Variants in KCNIP4 observed in about 807,000 individuals in gnomAD.
KCNIP4 encodes Kv channel-interacting protein 4.
KCNIP4 carries 12 observed loss-of-function variants against 34.0 expected under a neutral mutation model. The ratio of observed to expected loss-of-function variants is 0.35; its 90% CI spans 0.23 to 0.57. KCNIP4 has a LOEUF of 0.57. Ranked by LOEUF, KCNIP4 falls within the 20% of genes least tolerant of loss-of-function variation. KCNIP4 has a pLI of 0.83. For missense variants in KCNIP4, 238 were observed against 311.7 expected (o/e 0.76, Z 1.78); for synonymous variants, 124 against 102.2 (o/e 1.21, Z -1.29).
chr4:21,085,062 A>G (rs971824391), intron 1 of KCNIP4, among the ~76,000 whole-genome samples: 1 of 152,102 alleles, frequency 6.6e-6, no homozygotes, highest in African/African-American at 2.4e-5. Context: ...ACCACATTGT[A>G]TGGACTCAAT....
intron 1 of KCNIP4, among the ~76,000 whole-genome samples, chr4:21,183,485 G>GTTTTTTTTTTTTTT (rs1754998816): frequency 8.0e-6 from 1 of 124,948 alleles, no homozygotes; most frequent in Non-Finnish European, 1.7e-5. Context: ...TTTTTTTTTG[G>GTTTTTTTTTTTTTT]TTTTTGGAGA....
intron 1 of KCNIP4, among the ~76,000 whole-genome samples, chr4:21,688,924 C>G (rs1339168616): frequency 6.6e-6 from 1 of 151,946 alleles, no homozygotes; most frequent in Non-Finnish European, 1.5e-5. Context: ...CTTCACCTAC[C>G]TTGCCCATTG....
chr4:20,740,858 A>G (rs937139073), intron 5 of KCNIP4, among the ~76,000 whole-genome samples: 3 of 152,184 alleles, frequency 2.0e-5, no homozygotes, highest in Admixed American at 6.5e-5. Flanking sequence ...TAGGCTCAAA[A>G]TAAAGGGATG....
At chr4:21,225,497 A>G in intron 1 of KCNIP4, among the ~76,000 whole-genome samples, 1 of 152,136 alleles carries the variant, frequency 6.6e-6, no homozygotes, top group East Asian at 1.9e-4. Flanking sequence ...GATTATAACT[A>G]TTGTAATTAT....
chr4:20,946,436 C>T (rs6830607), intron 1 of KCNIP4, among the ~76,000 whole-genome samples: 74,677 of 151,914 alleles, frequency 0.49, 18,695 homozygotes, highest in East Asian at 0.75. Flanking sequence ...ATGCAGAAGA[C>T]GAGTTAGCAA....
chr4:21,072,383 C>A (rs1450237980), intron 1 of KCNIP4, among the ~76,000 whole-genome samples: 2 of 152,166 alleles, frequency 1.3e-5, no homozygotes, highest in Non-Finnish European at 2.9e-5. Flanking sequence ...TTGCATTTCT[C>A]TGATGGCCAG....
chr4:21,726,270 T>A (rs567945400), intron 1 of KCNIP4, among the ~76,000 whole-genome samples: 8 of 152,116 alleles, frequency 5.3e-5, no homozygotes, highest in Non-Finnish European at 7.4e-5. Flanking sequence ...GGGCAAGCAA[T>A]GAAGCAGTTG....
chr4:21,597,177 T>C (rs989294143), intron 1 of KCNIP4, among the ~76,000 whole-genome samples: 1 of 152,032 alleles, frequency 6.6e-6, no homozygotes, highest in African/African-American at 2.4e-5. Flanking sequence ...GGGAGATAAT[T>C]GCATCATGGG....
At chr4:20,809,203 T>C (rs955114035) in intron 3 of KCNIP4, among the ~76,000 whole-genome samples, 6 of 152,152 alleles carry the variant, frequency 3.9e-5, no homozygotes, top group South Asian at 2.1e-4. Context: ...TAGCAAATCA[T>C]TGGGAATTGG....
At chr4:20,829,497 G>C (rs1015105379) in intron 3 of KCNIP4, among the ~76,000 whole-genome samples, 1 of 152,104 alleles carries the variant, frequency 6.6e-6, no homozygotes, top group Non-Finnish European at 1.5e-5. Flanking sequence ...GTGAGCCACC[G>C]CGCCTGGCCC....
intron 1 of KCNIP4, among the ~76,000 whole-genome samples, chr4:21,519,564 ATATATACACATATGTG>A (rs1735218464): frequency 8.5e-5 from 2 of 23,488 alleles, no homozygotes; most frequent in Admixed American, 5.7e-4. Flanking sequence ...GTGTATGTGT[ATATATACACATATGTG>A]TGTGTATGTA....
intron 1 of KCNIP4, among the ~76,000 whole-genome samples, chr4:21,495,466 G>A (rs886332501): frequency 6.6e-6 from 1 of 152,124 alleles, no homozygotes; most frequent in Non-Finnish European, 1.5e-5. Context: ...GAGGAGGGCA[G>A]GAGTCTGGAT....
intron 1 of KCNIP4, among the ~76,000 whole-genome samples, chr4:20,925,291 G>C (rs1254840919): frequency 6.6e-6 from 1 of 152,042 alleles, no homozygotes; most frequent in African/African-American, 2.4e-5. Flanking sequence ...AACCTACTGG[G>C]CTTCATTCCC....
chr4:21,091,453 T>G (rs911407778), intron 1 of KCNIP4, among the ~76,000 whole-genome samples: 1 of 152,308 alleles, frequency 6.6e-6, no homozygotes, highest in African/African-American at 2.4e-5. Context: ...ACCTAACGAA[T>G]GAAAAGACTA....
chr4:20,988,000 C>CAAAAAA (rs36044149), intron 1 of KCNIP4, among the ~76,000 whole-genome samples: 512 of 46,250 alleles, frequency 0.011, 44 homozygotes, highest in African/African-American at 0.034. Flanking sequence ...GATTCCATCT[C>CAAAAAA]AAAAAAAAAA....
chr4:20,835,545 A>T (rs190081100), intron 3 of KCNIP4, among the ~76,000 whole-genome samples: 4 of 152,258 alleles, frequency 2.6e-5, no homozygotes, highest in African/African-American at 7.2e-5. Flanking sequence ...CTGGTTCATT[A>T]TATGCATTCA....
At chr4:21,858,021 C>T (rs1455627751) in intron 1 of KCNIP4, among the ~76,000 whole-genome samples, 1 of 152,220 alleles carries the variant, frequency 6.6e-6, no homozygotes, top group Non-Finnish European at 1.5e-5. Context: ...AGGTGGCACC[C>T]GTGATGGTGC....
At chr4:21,839,452 T>C (rs1028580258) in intron 1 of KCNIP4, among the ~76,000 whole-genome samples, 7 of 152,286 alleles carry the variant, frequency 4.6e-5, no homozygotes, top group Non-Finnish European at 7.4e-5. Context: ...TTCCCCCATC[T>C]TTCCTAGAAA....
intron 1 of KCNIP4, among the ~76,000 whole-genome samples, chr4:20,963,614 GA>G (rs1300482224): frequency 6.6e-6 from 1 of 152,082 alleles, no homozygotes; most frequent in Non-Finnish European, 1.5e-5. Context: ...TTTAAGAGAA[GA>G]AATGCAATAA....
Sources: gnomAD v4.1 joint callset for allele counts (sites outside exome capture counted in the v4.1 genomes callset) on GRCh38, gnomAD v4.1.1 for gene constraint, MANE v1.5 for transcripts, NCBI Gene and HGNC (gene_info 2026-07-23, HGNC 2026-07-21) for gene names.